Variants in MOXD1 observed in about 807,000 individuals in gnomAD.
MOXD1 encodes DBH-like monooxygenase protein 1.
In MOXD1, 62 loss-of-function variants were observed where a neutral mutation model predicts 66.6. That is an observed-to-expected ratio of 0.93 (90% CI 0.76 to 1.15). MOXD1 has a LOEUF of 1.15. MOXD1 is among the 50% of genes most tolerant of loss of function. The probability of loss-of-function intolerance (pLI) is 0.00; values close to 1 mark genes in which losing one functional copy is unlikely to be tolerated. For missense variants in MOXD1, 847 were observed against 754.6 expected, an observed-to-expected ratio of 1.12 and a Z score of -1.44; for synonymous variants, 303 against 281.9, an observed-to-expected ratio of 1.07 and a Z score of -0.75.
intron 10 of MOXD1, among the ~76,000 whole-genome samples, chr6:132,305,056 G>T (rs1348895221): frequency 6.6e-6 from 1 of 152,222 alleles, no homozygotes; most frequent in Non-Finnish European, 1.5e-5. Flanking sequence ...AGCTGTTTGA[G>T]CTCCTTGGGA....
intron 10 of MOXD1, among the ~76,000 whole-genome samples, chr6:132,303,734 C>CACACACACA (rs1190078177): frequency 2.8e-5 from 4 of 142,632 alleles, no homozygotes; most frequent in Non-Finnish European, 6.1e-5. Flanking sequence ...CACACACACA[C>CACACACACA]ATTTATTTAT....
chr6:132,401,383 C>T lies in MOXD1; in HGVS notation c.44G>A (p.Gly15Glu). 1 of 1,538,654 alleles carries T rather than the reference C, an allele frequency of 6.5e-7. No individual in the cohort carries two copies. The highest frequency in any genetic ancestry group is 8.7e-7 in the Non-Finnish European group (1 of 1,148,290). The change falls in exon 1 of 12, where the codon GGG (glycine) becomes GAG (glutamate). Residue 15 changes from glycine to glutamate, a missense_variant. Coordinates refer to ENST00000367963, the MANE Select transcript of MOXD1 (RefSeq NM_015529.4). Reference protein sequence around the residue: ...PLLLLWGLLPGTAAGGSGRTY... With the variant: ...PLLLLWGLLPETAAGGSGRTY... The stretch of plus-strand genomic sequence containing the variant: ...TCGGCCCGAGCCCCCCGCCGCCGTC[C>T]CGGGGAGCAGCCCCCACAGCAGGAG...
chr6:132,355,301 C>A (rs765239888), intron 4 of MOXD1, among the ~76,000 whole-genome samples: 1 of 152,140 alleles, frequency 6.6e-6, no homozygotes, highest in African/African-American at 2.4e-5. Context: ...TGCTTAGGGA[C>A]CCAGTGAGCT....
chr6:132,386,308 A>AG (rs1384046706), intron 1 of MOXD1, among the ~76,000 whole-genome samples: 4 of 149,044 alleles, frequency 2.7e-5, no homozygotes, highest in African/African-American at 9.9e-5. Flanking sequence ...AGGCTGAGGC[A>AG]GGAGAATGGC....
chr6:132,359,321 G>A (rs542445948), intron 4 of MOXD1, among the ~76,000 whole-genome samples: 50 of 151,884 alleles, frequency 3.3e-4, no homozygotes, highest in African/African-American at 1.2e-3. Flanking sequence ...GGGTGGTCTC[G>A]AATTCTCCTC....
chr6:132,375,883 A>C (rs915787820), intron 1 of MOXD1, among the ~76,000 whole-genome samples: 3 of 152,242 alleles, frequency 2.0e-5, no homozygotes, highest in Non-Finnish European at 4.4e-5. Flanking sequence ...TAAAATGGGG[A>C]TAATACATAC....
chr6:132,326,746 T>C (rs1296974457), intron 6 of MOXD1, among the ~76,000 whole-genome samples: 2 of 152,198 alleles, frequency 1.3e-5, no homozygotes, highest in Admixed American at 6.5e-5. Flanking sequence ...GGGTGGAAAT[T>C]AAAGTGAATT....
intron 4 of MOXD1, among the ~76,000 whole-genome samples, chr6:132,364,788 G>T (rs932319326): frequency 2.6e-5 from 4 of 152,090 alleles, no homozygotes; most frequent in Non-Finnish European, 5.9e-5. Context: ...GCCTTCATTT[G>T]ATGACAGCTA....
chr6:132,366,996 G>C lies in MOXD1; in HGVS notation c.663+5612C>G, dbSNP rs1776162424. On this transcript the variant is annotated intron_variant, in intron 4 of 11. Transcript: ENST00000367963. ...AGATTTATGAGTGCTACCAATAGAA[G>C]AGAACAGAAGCATGGATATTTCATG... Among the ~76,000 whole-genome samples the C allele has an allele frequency of 2.0e-5, 3 of 152,146 alleles. No individual in the cohort carries two copies. The South Asian group carries it at 6.2e-4, about 32-fold the overall frequency.
At chr6:132,314,713 C>A (rs745620435) in intron 10 of MOXD1, among the ~76,000 whole-genome samples, 20 of 152,142 alleles carry the variant, frequency 1.3e-4, no homozygotes, top group Non-Finnish European at 2.6e-4. Flanking sequence ...TATCACCAAC[C>A]CAGAGAGGCT....
At position 132,299,608 on chromosome 6, in the gene MOXD1, A is replaced by G. The variant is rs998588070; in HGVS notation, c.1509-1653T>C. ...AAAGTGAAGTGAAAAAGTGAATGAC[A>G]TAACTTGCTTGAAAAGATAGTTTTC... is the stretch of plus-strand genomic sequence containing the variant. On this transcript the variant is annotated intron_variant, in intron 10 of 11. Transcript: ENST00000367963. 1.1e-4 allele frequency among the ~76,000 whole-genome samples: 17 copies of G among 152,294 alleles called. No individual in the cohort carries two copies. The East Asian group carries it at 2.9e-3, about 26-fold the overall frequency.
intron 6 of MOXD1, 142 bp from the exon 7 acceptor site, chr6:132,324,239 A>G: frequency 1.2e-6 from 1 of 821,108 alleles, no homozygotes. Context: ...GTCATGAGGG[A>G]AAGGGATTCA....
chr6:132,328,870 T>A (rs570510426), intron 4 of MOXD1, among the ~76,000 whole-genome samples: 95 of 152,188 alleles, frequency 6.2e-4, no homozygotes, highest in Admixed American at 2.6e-4. Flanking sequence ...GTTAATTCAC[T>A]GTCCTGTCCT....
Position 132,365,128 on chromosome 6 carries a change from G to A in MOXD1, c.663+7480C>T, listed in dbSNP as rs188191871. Among the ~76,000 whole-genome samples, 596 of 152,078 alleles carry A rather than the reference G, an allele frequency of 3.9e-3. 4 individuals are homozygous for A. The highest frequency in any genetic ancestry group is 0.034 in the Middle Eastern group (10 of 294). ...GGAATTTAAAGATAAAAAAGTGAGT[G>A]TTGTATAGCCCAGAAATAAGAAAGT... On this transcript the variant is annotated intron_variant, in intron 4 of 11. Transcript: ENST00000367963.
At chr6:132,316,034 T>A (rs1187750899) in intron 9 of MOXD1, among the ~76,000 whole-genome samples, 1 of 152,152 alleles carries the variant, frequency 6.6e-6, no homozygotes, top group Non-Finnish European at 1.5e-5. Flanking sequence ...CTCAACACAG[T>A]GAACATTTCA....
rs1261198277 is a variant in MOXD1 at position 132,359,580 on chromosome 6, G to T, written c.663+13028C>A. Among the ~76,000 whole-genome samples the T allele has an allele frequency of 1.4e-5, 2 of 146,990 alleles. 1 individual carries two copies. The highest frequency in any genetic ancestry group is 1.4e-4 in the Admixed American group (2 of 14,590). On this transcript the variant is annotated intron_variant, in intron 4 of 11. Transcript: ENST00000367963. ...CGGCTCACTGCAAGCTCCGCCTCCC[G>T]GGTTCACACCATTCTCCTGCCTCAG...
chr6:132,306,479 C>T (rs1774689962), intron 10 of MOXD1, among the ~76,000 whole-genome samples: 1 of 152,080 alleles, frequency 6.6e-6, no homozygotes, highest in Non-Finnish European at 1.5e-5. Context: ...ACCTAAAAGA[C>T]AGGCCAACAT....
At chr6:132,314,606 A>C (rs1774901346) in intron 10 of MOXD1, among the ~76,000 whole-genome samples, 1 of 152,094 alleles carries the variant, frequency 6.6e-6, no homozygotes, top group African/African-American at 2.4e-5. Context: ...CGGTAGGTTC[A>C]GACTAACCAC....
chr6:132,393,360 A>T (rs1158565351), intron 1 of MOXD1, among the ~76,000 whole-genome samples: 1 of 152,236 alleles, frequency 6.6e-6, no homozygotes, highest in African/African-American at 2.4e-5. Flanking sequence ...TGAATAGATC[A>T]TCTGAGAGAG....
Sources: allele counts gnomAD v4.1 joint callset (sites outside exome capture counted in the v4.1 genomes callset), GRCh38; gene constraint gnomAD v4.1.1; transcripts MANE v1.5; gene names NCBI Gene and HGNC (gene_info 2026-07-23, HGNC 2026-07-21).